PHF2: variants seen among roughly 807,000 people sequenced by gnomAD.
The protein encoded by PHF2 is PHD finger protein 2.
Under a neutral mutation model 120.5 loss-of-function variants are expected in PHF2, and 27 were observed. That is an observed-to-expected ratio of 0.22 (90% CI 0.17 to 0.31). The LOEUF (loss-of-function observed/expected upper bound fraction) is 0.31, where lower values mean the gene tolerates loss of function less well. PHF2 is among the 10% of genes least tolerant of loss of function. The pLI, the probability that PHF2 is intolerant of heterozygous loss-of-function variation, is 1.00. For synonymous variants in PHF2, 568 were observed against 592.5 expected, an observed-to-expected ratio of 0.96 and a Z score of 0.60; for missense variants, 1,024 against 1,434.8, an observed-to-expected ratio of 0.71 and a Z score of 4.63.
intron 1 of PHF2, among the ~76,000 whole-genome samples, chr9:93,616,253 C>A (rs1034578173): frequency 2.0e-5 from 3 of 152,192 alleles, no homozygotes; most frequent in African/African-American, 4.8e-5. Context: ...ACCACATTAA[C>A]ATGAATCTTT....
rs758472303 is a variant in PHF2, at chr9:93,663,040, A to C, written c.1818+14A>C. On this transcript the variant is annotated intron_variant, in intron 13 of 21. Transcript: ENST00000359246. ...TGGAAGTACAAGGTGAGAAGTGCAC[A>C]TATGCATGCACACGTGTGTGTGTCA... The C allele has an allele frequency of 6.2e-7, 1 of 1,614,008 alleles. No homozygotes were observed. Among genetic ancestry groups the C allele is most frequent in the South Asian group, 1.1e-5 (1 of 91,072 alleles).
At chr9:93,618,815 T>C (rs1825770832) in intron 1 of PHF2, among the ~76,000 whole-genome samples, 1 of 138,296 alleles carries the variant, frequency 7.2e-6, no homozygotes, top group Non-Finnish European at 1.5e-5. Flanking sequence ...TATGAGGGTG[T>C]CTGCATGTGT....
At chr9:93,604,216 G>A (rs958268525) in intron 1 of PHF2, among the ~76,000 whole-genome samples, 1 of 152,176 alleles carries the variant, frequency 6.6e-6, no homozygotes, top group African/African-American at 2.4e-5. Flanking sequence ...GTGGCATAGT[G>A]CAGGTGCCGG....
intron 5 of PHF2, among the ~76,000 whole-genome samples, chr9:93,651,990 C>A (rs1386912421): frequency 6.6e-6 from 1 of 152,066 alleles, no homozygotes; most frequent in Non-Finnish European, 1.5e-5. Context: ...TGAATGGGGG[C>A]AATGAGGACT....
In PHF2 at chr9:93,665,812, C is replaced by G; in HGVS notation, c.2064C>G (p.Ile688Met). Residue 688 changes from isoleucine to methionine, a missense_variant, in exon 15 of 22, where the codon ATC (isoleucine) becomes ATG (methionine). By Grantham distance (10) the Ile-to-Met change is conservative (BLOSUM62 1). This residue lies in a region of PHF2 where 677 missense variants were observed against 857.4 expected (regional missense o/e 0.79). Coordinates refer to ENST00000359246, the MANE Select transcript of PHF2 (RefSeq NM_005392.4). ...TGTCGGATGACGGTGAGCTCAAGAT[C>G]GACGAGTTTCCCATCAGGAGGAAGA... ...EYVSDDGELK[I>M]DEFPIRRKKN... 6.2e-7 allele frequency: 1 copy of G among 1,613,822 alleles called. No individual in the cohort carries two copies. The highest frequency in any genetic ancestry group is 8.5e-7 in the Non-Finnish European group (1 of 1,180,016).
At chr9:93,671,366 G>A (rs1198465223) in intron 17 of PHF2, among the ~76,000 whole-genome samples, 5 of 137,018 alleles carry the variant, frequency 3.6e-5, no homozygotes, top group African/African-American at 5.4e-5. Flanking sequence ...GTAGATGCAG[G>A]TGTGGGTGTG....
chr9:93,611,268 A>G (rs1377723313), intron 1 of PHF2, among the ~76,000 whole-genome samples: 3 of 152,050 alleles, frequency 2.0e-5, no homozygotes, highest in Non-Finnish European at 2.9e-5. Context: ...ATACAAAACT[A>G]GACAGGCGTG....
chr9:93,655,276 G>GTT (rs71364388), intron 7 of PHF2, among the ~76,000 whole-genome samples: 15,150 of 143,652 alleles, frequency 0.11, 820 homozygotes, highest in South Asian at 0.16. Flanking sequence ...TATAGGGTTG[G>GTT]TTTTTTTTTT....
At chr9:93,648,687 G>A (rs893913706) in intron 4 of PHF2, among the ~76,000 whole-genome samples, 1 of 152,150 alleles carries the variant, frequency 6.6e-6, no homozygotes, top group Non-Finnish European at 1.5e-5. Context: ...GAAATGCAGG[G>A]GTTTTGATAG....
rs1200865103 is a variant in PHF2 at position 93,602,404 on chromosome 9, C to T, written c.98+25533C>T. Among the ~76,000 whole-genome samples, 12 of 151,886 alleles carry T rather than the reference C, an allele frequency of 7.9e-5. No homozygotes were observed. The East Asian group carries it at 1.4e-3, about 17-fold the overall frequency. On this transcript the variant is annotated intron_variant, in intron 1 of 21. Coordinates refer to ENST00000359246, the MANE Select transcript of PHF2 (RefSeq NM_005392.4). Reference sequence around the variant, plus strand: ...AGTAGCTGGGATTACAGGCACACACCGCCACGCCTGGCTAATTTTTTGTAA... The same window carrying T: ...AGTAGCTGGGATTACAGGCACACACTGCCACGCCTGGCTAATTTTTTGTAA...
intron 3 of PHF2, 103 bp from the exon 4 acceptor site, chr9:93,645,526 C>A: frequency 7.9e-7 from 1 of 1,260,690 alleles, no homozygotes; most frequent in Non-Finnish European, 1.1e-6. Context: ...AGGTGGGTGG[C>A]CAGACCCAGG....
chr9:93,652,621 GT>G (rs1826388276), intron 5 of PHF2, among the ~76,000 whole-genome samples: 1 of 152,148 alleles, frequency 6.6e-6, no homozygotes, highest in South Asian at 2.1e-4. Flanking sequence ...AATTTAACAC[GT>G]TTTATCCAGG....
At chr9:93,667,334 G>A (rs542128764) in intron 17 of PHF2, 94 bp downstream of exon 17, 83 of 1,454,430 alleles carry the variant, frequency 5.7e-5, no homozygotes, top group African/African-American at 1.8e-4. Context: ...CGAGGCAGAC[G>A]CACAGCTGGA....
At chr9:93,671,189 GCT>G in intron 17 of PHF2, 1 of 976,430 alleles carries the variant, frequency 1.0e-6, no homozygotes, top group African/African-American at 1.7e-5. Context: ...TGTAGATGCA[GCT>G]GTGGGTGTGG....
rs1030829616 is a variant in PHF2 at position 93,655,639 on chromosome 9, C to T, written c.953-295C>T. Among the ~76,000 whole-genome samples, 3 of 152,368 alleles carry T rather than the reference C, an allele frequency of 2.0e-5. No homozygotes were observed. In the East Asian group the frequency reaches 5.8e-4, roughly 29 times the overall value. ...CAGCTCTGGGCCTCGGTTTCCCTGTCTGTGCAGGGCTGGACTGACTAGTCT... is the reference window on the plus strand; with the variant it reads ...CAGCTCTGGGCCTCGGTTTCCCTGTTTGTGCAGGGCTGGACTGACTAGTCT... On this transcript the variant is annotated intron_variant, in intron 7 of 21. Transcript: ENST00000359246.
intron 1 of PHF2, among the ~76,000 whole-genome samples, chr9:93,605,762 A>G (rs1212527246): frequency 6.6e-6 from 1 of 152,078 alleles, no homozygotes; most frequent in African/African-American, 2.4e-5. Context: ...GCACTGAGTA[A>G]TATTTCATTG....
intron 1 of PHF2, among the ~76,000 whole-genome samples, chr9:93,615,263 T>C (rs1825711786): frequency 6.8e-6 from 1 of 147,550 alleles, no homozygotes; most frequent in Non-Finnish European, 1.5e-5. Flanking sequence ...ATGGTGATGA[T>C]TGGTGATGGT....
intron 1 of PHF2, among the ~76,000 whole-genome samples, chr9:93,593,231 G>A (rs1236083967): frequency 6.6e-6 from 1 of 151,884 alleles, no homozygotes; most frequent in Non-Finnish European, 1.5e-5. Context: ...TTCCAAAGCT[G>A]ACCCCTGAGG....
intron 1 of PHF2, among the ~76,000 whole-genome samples, chr9:93,622,011 G>A (rs77768484): frequency 0.063 from 9,581 of 152,234 alleles, 415 homozygotes; most frequent in Non-Finnish European, 0.09. Flanking sequence ...GGGGCATTTG[G>A]GGGCCTTTCC....
Sources: allele counts gnomAD v4.1 joint callset (sites outside exome capture counted in the v4.1 genomes callset), GRCh38; gene constraint gnomAD v4.1.1; regional missense constraint gnomAD v4.1.1; transcripts MANE v1.5; gene names NCBI Gene and HGNC (gene_info 2026-07-23, HGNC 2026-07-21).